The following SDK1 variants were observed in gnomAD, a reference collection of about 807,000 sequenced individuals.
SDK1 encodes protein sidekick-1.
Under a neutral mutation model 245.5 loss-of-function variants are expected in SDK1, and 157 were observed. The observed-to-expected ratio is 0.64, with a 90% CI of 0.56 to 0.73. The LOEUF is 0.73. Ranked by LOEUF, SDK1 falls within the 30% of genes least tolerant of loss-of-function variation. The pLI, the probability that SDK1 is intolerant of heterozygous loss-of-function variation, is 0.00. For synonymous variants in SDK1, 1,647 were observed against 1,278.5 expected (o/e 1.29, Z -6.15); for missense variants, 3,583 against 3,002.3 (o/e 1.19, Z -4.52).
intron 1 of SDK1, among the ~76,000 whole-genome samples, chr7:3,333,796 TA>T (rs1344718821): frequency 3.3e-5 from 5 of 152,210 alleles, no homozygotes; most frequent in Admixed American, 3.3e-4. Flanking sequence ...TACAGGGAAT[TA>T]AATTTCTTGG....
chr7:3,582,860 G>T (rs143513208), intron 1 of SDK1, among the ~76,000 whole-genome samples: 1 of 152,124 alleles, frequency 6.6e-6, no homozygotes, highest in Non-Finnish European at 1.5e-5. Flanking sequence ...CCAACTCAGA[G>T]CGTGGCAACA....
At chr7:3,427,150 TA>T (rs1266655592) in intron 1 of SDK1, among the ~76,000 whole-genome samples, 2 of 152,190 alleles carry the variant, frequency 1.3e-5, no homozygotes, top group Non-Finnish European at 2.9e-5. Flanking sequence ...ATGTTTTTGT[TA>T]AAACATTAAA....
chr7:3,889,106 C>T (rs1781398957), intron 5 of SDK1, among the ~76,000 whole-genome samples: 1 of 152,176 alleles, frequency 6.6e-6, no homozygotes, highest in Non-Finnish European at 1.5e-5. Flanking sequence ...CCAGTAGCAG[C>T]TCTTAGCACT....
At position 4,258,363 on chromosome 7, in the gene SDK1, C is replaced by G. The variant is rs143972226; in HGVS notation, c.6382-6761C>G. ...GAGGAGGGGTGGGCAGGGGTGTACA[C>G]AGGGCAGAGAGATGCCCAAAGGGTC... On this transcript the variant is annotated intron_variant, in intron 44 of 44. Coordinates refer to ENST00000404826, the MANE Select transcript of SDK1 (RefSeq NM_152744.4). Among the ~76,000 whole-genome samples, 485 of 152,250 alleles carry G rather than the reference C, an allele frequency of 3.2e-3. 1 individual carries two copies. Among genetic ancestry groups the G allele is most frequent in the Non-Finnish European group, 5.2e-3 (356 of 68,010 alleles).
chr7:4,091,268 G>A (rs78615832), intron 22 of SDK1, among the ~76,000 whole-genome samples: 3 of 151,510 alleles, frequency 2.0e-5, no homozygotes, highest in Admixed American at 6.6e-5. Flanking sequence ...GATCCTTACT[G>A]GGGCATTCTG....
chr7:4,017,825 T>C (rs143559376), intron 17 of SDK1, among the ~76,000 whole-genome samples: 10 of 152,358 alleles, frequency 6.6e-5, no homozygotes, highest in African/African-American at 2.4e-4. Context: ...TTTTCAGTTA[T>C]ACAAGCAAAC....
In SDK1 at chr7:3,486,745, C is replaced by T. The variant is rs752001392; in HGVS notation, c.299-132335C>T. On this transcript the variant is annotated intron_variant, in intron 1 of 44. Coordinates refer to ENST00000404826, the MANE Select transcript of SDK1 (RefSeq NM_152744.4). ...GCCACGTTTTAATTTTATCCTATTA[C>T]ATTTATTTTAAAAGATTTGGAAGAC... Among the ~76,000 whole-genome samples, 4 of 152,060 alleles carry T rather than the reference C, an allele frequency of 2.6e-5. No individual in the cohort carries two copies. In the East Asian group the frequency reaches 7.7e-4, roughly 29 times the overall value.
chr7:3,805,231 C>T (rs1176232698), intron 4 of SDK1, among the ~76,000 whole-genome samples: 1 of 152,086 alleles, frequency 6.6e-6, no homozygotes, highest in South Asian at 2.1e-4. Context: ...ATTCTGAAAC[C>T]CTTGCTGAAC....
chr7:3,933,006 G>A (rs1285312829), intron 5 of SDK1, among the ~76,000 whole-genome samples: 1 of 152,114 alleles, frequency 6.6e-6, no homozygotes, highest in East Asian at 1.9e-4. Flanking sequence ...TGCCCTGGGG[G>A]CAGCTGGTGC....
intron 4 of SDK1, among the ~76,000 whole-genome samples, chr7:3,727,586 G>T (rs1021386800): frequency 2.0e-5 from 3 of 152,134 alleles, no homozygotes; most frequent in African/African-American, 4.8e-5. Flanking sequence ...CACCTCCTGG[G>T]TTCAAGCAAT....
chr7:3,301,788 TGCGGCGG>T lies in SDK1; in HGVS notation c.215_221del (p.Arg72GlnfsTer137), dbSNP rs958116178. 2.8e-5 allele frequency: 28 copies of T among 1,010,602 alleles called. No individual in the cohort carries two copies. The highest frequency in any genetic ancestry group is 3.1e-5 in the Non-Finnish European group (26 of 849,042). The allele number at this position is 1,010,602 out of a possible 1,614,324, so 62.6% of individuals were successfully genotyped here. On this transcript the variant is annotated frameshift_variant, in exon 1 of 45. Transcript: ENST00000404826. LOFTEE classifies it high-confidence loss of function. The stretch of plus-strand genomic sequence containing the variant: ...CGGGGACACGGCGGGCGCGGGGCGG[TGCGGCGG>T]GCGGCGGGCGGCAAAGTTGGGGCCG...
At chr7:3,508,028 A>AT (rs1782449894) in intron 1 of SDK1, among the ~76,000 whole-genome samples, 1 of 151,378 alleles carries the variant, frequency 6.6e-6, no homozygotes, top group South Asian at 2.1e-4. Flanking sequence ...TTTTCTACTT[A>AT]TTTTCCTTCT....
At chr7:3,388,588 A>G (rs931916786) in intron 1 of SDK1, among the ~76,000 whole-genome samples, 1 of 148,796 alleles carries the variant, frequency 6.7e-6, no homozygotes, top group African/African-American at 2.6e-5. Context: ...CTTTGATGAT[A>G]TAATACTCAC....
chr7:3,882,967 C>T (rs748051717), intron 5 of SDK1, among the ~76,000 whole-genome samples: 1 of 152,198 alleles, frequency 6.6e-6, no homozygotes, highest in African/African-American at 2.4e-5. Flanking sequence ...GCCCCGTTTC[C>T]ATAGATCAGT....
intron 3 of SDK1, among the ~76,000 whole-genome samples, chr7:3,639,874 G>A (rs552011604): frequency 1.3e-5 from 2 of 151,948 alleles, no homozygotes; most frequent in African/African-American, 4.8e-5. Flanking sequence ...GTTTGAGATA[G>A]GGTCTATCTC....
At chr7:3,939,087 T>C (rs1467798329) in intron 5 of SDK1, among the ~76,000 whole-genome samples, 2 of 152,216 alleles carry the variant, frequency 1.3e-5, no homozygotes, top group African/African-American at 2.4e-5. Context: ...TACGACCGTA[T>C]TTCCTCTCTT....
intron 7 of SDK1, among the ~76,000 whole-genome samples, chr7:3,952,983 G>A (rs1021643941): frequency 1.3e-5 from 2 of 152,126 alleles, no homozygotes; most frequent in African/African-American, 4.8e-5. Context: ...AGAGCAGCCT[G>A]TGTTCCGCAG....
chr7:3,974,266 C>G (rs1782719739), intron 12 of SDK1, 103 bp from the exon 13 acceptor site: 1 of 873,626 alleles, frequency 1.1e-6, no homozygotes, highest in Non-Finnish European at 1.8e-6. Flanking sequence ...TTTTAAAGTC[C>G]ATTCACAAGA....
chr7:3,900,966 T>A (rs10215409), intron 5 of SDK1, among the ~76,000 whole-genome samples: 2,764 of 152,284 alleles, frequency 0.018, 109 homozygotes, highest in African/African-American at 0.064. Context: ...AAGACCTTTA[T>A]GGCTTTTCTT....
Sources: gnomAD v4.1 joint callset for allele counts (sites outside exome capture counted in the v4.1 genomes callset) on GRCh38, gnomAD v4.1.1 for gene constraint, MANE v1.5 for transcripts, NCBI Gene and HGNC (gene_info 2026-07-23, HGNC 2026-07-21) for gene names.